ATP8B4: variants seen among roughly 807,000 people sequenced by gnomAD.
ATP8B4 encodes probable phospholipid-transporting ATPase IM.
Under a neutral mutation model 145.6 loss-of-function variants are expected in ATP8B4, and 133 were observed. The ratio of observed to expected loss-of-function variants is 0.91; its 90% CI spans 0.79 to 1.05. The LOEUF (loss-of-function observed/expected upper bound fraction) is 1.05. Ranked by LOEUF, ATP8B4 falls within the 50% of genes least tolerant of loss-of-function variation. The pLI is 0.00. For missense variants in ATP8B4, 1,458 were observed against 1,425.2 expected (o/e 1.02, Z -0.37); for synonymous variants, 507 against 492.9 (o/e 1.03, Z -0.38).
chr15:50,088,333 G>A (rs1335133773), intron 2 of ATP8B4, among the ~76,000 whole-genome samples: 2 of 151,548 alleles, frequency 1.3e-5, no homozygotes, highest in Non-Finnish European at 2.9e-5. Flanking sequence ...GTGACAGAGC[G>A]AGACTCCCTC....
In ATP8B4 at chr15:50,173,619, A is replaced by G. The variant is rs552724222; in HGVS notation, c.-43+8642T>C. Among the ~76,000 whole-genome samples, 4 of 152,286 alleles carry G rather than the reference A, an allele frequency of 2.6e-5. No individual in the cohort carries two copies. The East Asian group carries it at 5.8e-4, about 22-fold the overall frequency. On this transcript the variant is annotated intron_variant, in intron 1 of 3. Transcript: ENST00000558829. Reference sequence around the variant, plus strand: ...ACCAGAGACCTTTGTTCACATGTTTATCTGCTGACCTTCCCTCCACTATTG... The same window carrying G: ...ACCAGAGACCTTTGTTCACATGTTTGTCTGCTGACCTTCCCTCCACTATTG...
At chr15:49,957,631 A>T (rs1317423373) in intron 14 of ATP8B4, among the ~76,000 whole-genome samples, 2 of 152,044 alleles carry the variant, frequency 1.3e-5, no homozygotes, top group African/African-American at 4.8e-5. Context: ...AAGAATAATG[A>T]TCTTAATATC....
At chr15:49,965,834 T>C (rs903665425) in intron 13 of ATP8B4, among the ~76,000 whole-genome samples, 3 of 152,126 alleles carry the variant, frequency 2.0e-5, no homozygotes, top group African/African-American at 7.2e-5. Flanking sequence ...CTGGGCAAGA[T>C]GGACAAATAG....
chr15:49,934,741 AT>A (rs1397674864), intron 14 of ATP8B4, among the ~76,000 whole-genome samples: 1 of 152,050 alleles, frequency 6.6e-6, no homozygotes, highest in East Asian at 1.9e-4. Flanking sequence ...AAAATCCTAA[AT>A]TTCTAAATAT....
At position 49,978,739 on chromosome 15, in the gene ATP8B4, TACACACACACACACACAC is replaced by T. The variant is rs60436585; in HGVS notation, c.1034+860_1034+877del. ...GGGCCAATTTCTAAGCTTTATCAAATACACACACACACACACACACACACACACACACACACACACACA... is the reference window on the plus strand; with the variant it reads ...GGGCCAATTTCTAAGCTTTATCAAATACACACACACACACACACACACACA... On this transcript the variant is annotated intron_variant, in intron 12 of 27. Coordinates refer to ENST00000284509, the MANE Select transcript of ATP8B4 (RefSeq NM_024837.4). Among the ~76,000 whole-genome samples, 219 of 122,854 alleles carry T rather than the reference TACACACACACACACACAC, an allele frequency of 1.8e-3. 1 individual carries two copies. The highest frequency in any genetic ancestry group is 9.4e-3 in the Middle Eastern group (2 of 212). The allele number at this position is 122,854 out of a possible 152,430, so 80.6% of individuals were successfully genotyped here.
chr15:49,908,119 A>G (rs1468284168), intron 20 of ATP8B4: 1 of 456,088 alleles, frequency 2.2e-6, no homozygotes, highest in South Asian at 1.5e-5. Context: ...TCTTAAGAAC[A>G]AAATGAGGTA....
chr15:50,174,492 T>C (rs1445377338), intron 1 of ATP8B4, among the ~76,000 whole-genome samples: 2 of 148,282 alleles, frequency 1.3e-5, no homozygotes, highest in Non-Finnish European at 3.0e-5. Flanking sequence ...CTCTTCTACA[T>C]ACCAACAACG....
chr15:50,120,405 G>C (rs987215284), upstream of ATP8B4, among the ~76,000 whole-genome samples: 4 of 152,178 alleles, frequency 2.6e-5, no homozygotes, highest in African/African-American at 4.8e-5. Context: ...ACTTTTAAGT[G>C]AAAAACATTT....
At position 49,859,497 on chromosome 15, in the gene ATP8B4, A is replaced by T. The variant is rs984782820; in HGVS notation, c.*697T>A. The T allele has an allele frequency of 6.6e-6, 1 of 152,250 alleles. No homozygotes were observed. The highest frequency in any genetic ancestry group is 2.1e-4 in the South Asian group (1 of 4,834). The allele number at this position is 152,250 out of a possible 1,614,324, so 9.4% of individuals were successfully genotyped here. ...TCACATTTCATAAGCATGTCCTTAC[A>T]TGACACAGACTGAGAGCTTTTTGAA... On this transcript the variant is annotated 3_prime_UTR_variant, in exon 28 of 28. Coordinates refer to ENST00000284509, the MANE Select transcript of ATP8B4 (RefSeq NM_024837.4).
At chr15:50,161,333 T>G (rs1397880569) in intron 1 of ATP8B4, among the ~76,000 whole-genome samples, 1 of 152,106 alleles carries the variant, frequency 6.6e-6, no homozygotes, top group Non-Finnish European at 1.5e-5. Flanking sequence ...CCACTGTATG[T>G]CTTTTCATTG....
In ATP8B4 at chr15:49,858,547, C is replaced by T. The variant is rs1250294279; in HGVS notation, c.*1647G>A. 2 of 152,234 alleles carry T rather than the reference C, an allele frequency of 1.3e-5. No homozygotes were observed. The highest frequency in any genetic ancestry group is 6.5e-5 in the Admixed American group (1 of 15,286). The allele number at this position is 152,234 out of a possible 1,614,324, so 9.4% of individuals were successfully genotyped here. A position where few individuals can be genotyped will look rare whatever the true frequency, so the allele number is the denominator to read the frequency against. ...ATTAGCTCATTATCCATCAAACTCA[C>T]TCAAGTGTCACCTGACTCTCTTGGG... On this transcript the variant is annotated 3_prime_UTR_variant, in exon 28 of 28. Coordinates refer to ENST00000284509, the MANE Select transcript of ATP8B4 (RefSeq NM_024837.4).
intron 21 of ATP8B4, among the ~76,000 whole-genome samples, chr15:49,898,987 A>T (rs1370203594): frequency 6.6e-6 from 1 of 152,208 alleles, no homozygotes; most frequent in East Asian, 1.9e-4. Context: ...ATTATTTAAT[A>T]AACACATTAA....
chr15:49,928,274 A>G (rs1294555379), intron 16 of ATP8B4, among the ~76,000 whole-genome samples: 5 of 152,130 alleles, frequency 3.3e-5, no homozygotes, highest in African/African-American at 1.2e-4. Context: ...GAGAATAGAA[A>G]AAGAATTGAA....
chr15:49,864,963 G>T (rs1231207591), intron 26 of ATP8B4, among the ~76,000 whole-genome samples: 5 of 152,160 alleles, frequency 3.3e-5, no homozygotes, highest in Non-Finnish European at 7.4e-5. Flanking sequence ...TTCTGGCATA[G>T]ATTTAAAACT....
At chr15:49,964,397 A>G (rs1215190496) in intron 13 of ATP8B4, among the ~76,000 whole-genome samples, 1 of 152,198 alleles carries the variant, frequency 6.6e-6, no homozygotes, top group Non-Finnish European at 1.5e-5. Context: ...AAGCCCATTT[A>G]CAGGGCTGTT....
At chr15:50,160,235 T>C (rs1399873101) in intron 1 of ATP8B4, among the ~76,000 whole-genome samples, 1 of 151,892 alleles carries the variant, frequency 6.6e-6, no homozygotes, top group Non-Finnish European at 1.5e-5. Flanking sequence ...GCAGTATTGG[T>C]TGAAATGTCT....
At chr15:49,923,971 C>T (rs908209686) in intron 16 of ATP8B4, among the ~76,000 whole-genome samples, 1 of 151,942 alleles carries the variant, frequency 6.6e-6, no homozygotes, top group Non-Finnish European at 1.5e-5. Context: ...TTGGCCCTTG[C>T]TGACATATTT....
At chr15:50,018,643 G>C (rs573887751) in intron 6 of ATP8B4, among the ~76,000 whole-genome samples, 1 of 152,166 alleles carries the variant, frequency 6.6e-6, no homozygotes, top group South Asian at 2.1e-4. Context: ...AAAACTGATA[G>C]ACCAGAAAGA....
At chr15:49,985,241 C>T (rs1448744246) in intron 10 of ATP8B4, among the ~76,000 whole-genome samples, 4 of 151,960 alleles carry the variant, frequency 2.6e-5, no homozygotes, top group African/African-American at 7.2e-5. Context: ...GGACTACAGG[C>T]GCCTGCCAAC....
Sources: gnomAD v4.1 joint callset for allele counts (sites outside exome capture counted in the v4.1 genomes callset) on GRCh38, gnomAD v4.1.1 for gene constraint, MANE v1.5 for transcripts, NCBI Gene and HGNC (gene_info 2026-07-23, HGNC 2026-07-21) for gene names.